The following KLRF1 variants were observed in gnomAD, a reference collection of about 807,000 sequenced individuals.
KLRF1 encodes killer cell lectin-like receptor subfamily F member 1.
KLRF1 carries 27 observed loss-of-function variants against 30.7 expected under a neutral mutation model. That is an observed-to-expected ratio of 0.88 (90% CI 0.65 to 1.21). The LOEUF (loss-of-function observed/expected upper bound fraction) is 1.21, where lower values mean the gene tolerates loss of function less well. Among genes scored for constraint, KLRF1 ranks in the 50% most tolerant of loss-of-function variants. The pLI is 0.00. For synonymous variants in KLRF1, 92 were observed against 89.3 expected (o/e 1.03, Z -0.17); for missense variants, 246 against 259.3 (o/e 0.95, Z 0.35).
chr12:9,836,940 A>G (rs191738145), intron 3 of KLRF1, among the ~76,000 whole-genome samples: 1 of 152,146 alleles, frequency 6.6e-6, no homozygotes, highest in Non-Finnish European at 1.5e-5. Context: ...TTGAGCTACA[A>G]TATATTTATT....
intron 3 of KLRF1, among the ~76,000 whole-genome samples, chr12:9,837,788 G>A (rs1849182512): frequency 6.6e-6 from 1 of 152,108 alleles, no homozygotes; most frequent in Non-Finnish European, 1.5e-5. Context: ...CAATTCAAGA[G>A]TCCATAGGTG....
chr12:9,811,994 A>G, the KLRF1 span, among the ~76,000 whole-genome samples: 129 of 152,206 alleles, frequency 8.5e-4, no homozygotes, highest in Non-Finnish European at 1.6e-3. Flanking sequence ...GCGTACAAAA[A>G]TAGTTTGTAC....
the KLRF1 span, among the ~76,000 whole-genome samples, chr12:9,804,156 G>A: frequency 6.7e-6 from 1 of 148,764 alleles, no homozygotes; most frequent in African/African-American, 2.5e-5. Context: ...TCTTATTATG[G>A]TTTTCATTTG....
intron 3 of KLRF1, among the ~76,000 whole-genome samples, chr12:9,839,870 A>T (rs1867664733): frequency 6.6e-6 from 1 of 152,144 alleles, no homozygotes; most frequent in African/African-American, 2.4e-5. Context: ...AATGGAAGAC[A>T]TATGTCCTTA....
the KLRF1 span, among the ~76,000 whole-genome samples, chr12:9,818,863 G>A: frequency 2.6e-5 from 4 of 152,206 alleles, no homozygotes; most frequent in Non-Finnish European, 5.9e-5. Context: ...GTTCTCACAG[G>A]AGAAATAGAA....
At chr12:9,834,733 T>C (rs1465791156) in intron 3 of KLRF1, among the ~76,000 whole-genome samples, 2 of 152,108 alleles carry the variant, frequency 1.3e-5, no homozygotes, top group Non-Finnish European at 2.9e-5. Flanking sequence ...CCAAGGGCGT[T>C]CAGCATAATT....
intron 3 of KLRF1, among the ~76,000 whole-genome samples, chr12:9,839,015 A>T (rs1200537971): frequency 6.6e-6 from 1 of 152,118 alleles, no homozygotes; most frequent in East Asian, 1.9e-4. Flanking sequence ...CGGGGTCTTT[A>T]GAAAGTAATT....
chr12:9,838,672 T>C (rs1867640263), intron 3 of KLRF1, among the ~76,000 whole-genome samples: 2 of 152,160 alleles, frequency 1.3e-5, no homozygotes, highest in South Asian at 4.1e-4. Flanking sequence ...TTCTATTTTT[T>C]ACCATGTTGC....
At chr12:9,841,201 T>G (rs998636541) in intron 3 of KLRF1, among the ~76,000 whole-genome samples, 8 of 152,210 alleles carry the variant, frequency 5.3e-5, no homozygotes, top group African/African-American at 1.2e-4. Flanking sequence ...CTTAGCAAAC[T>G]AATGCAGGAA....
At chr12:9,824,417 C>T (rs1168173132), upstream of KLRF1, among the ~76,000 whole-genome samples, 1 of 152,118 alleles carries the variant, frequency 6.6e-6, no homozygotes, top group African/African-American at 2.4e-5. Context: ...ATAAAACCAA[C>T]ACGCTTTCAT....
At chr12:9,815,265 C>T in the KLRF1 span, among the ~76,000 whole-genome samples, 1 of 152,218 alleles carries the variant, frequency 6.6e-6, no homozygotes, top group African/African-American at 2.4e-5. Flanking sequence ...ATACTACTTT[C>T]TAGCTTAAAT....
At chr12:9,813,892 G>A in the KLRF1 span, among the ~76,000 whole-genome samples, 1 of 152,040 alleles carries the variant, frequency 6.6e-6, no homozygotes, top group Non-Finnish European at 1.5e-5. Flanking sequence ...CCTGCACCGC[G>A]CAACAGCACT....
upstream of KLRF1, among the ~76,000 whole-genome samples, chr12:9,825,571 C>T (rs1867271249): frequency 6.6e-6 from 1 of 152,018 alleles, no homozygotes; most frequent in Non-Finnish European, 1.5e-5. Context: ...GGAAGATAAC[C>T]TAGGAATTAC....
At chr12:9,834,080 G>C (rs1041333613) in intron 3 of KLRF1, among the ~76,000 whole-genome samples, 2 of 151,874 alleles carry the variant, frequency 1.3e-5, no homozygotes, top group Non-Finnish European at 2.9e-5. Flanking sequence ...GCAGGCAGGA[G>C]TGGGGGTCAC....
chr12:9,833,348 A>G lies in KLRF1; in HGVS notation c.230A>G (p.Asn77Ser). ...AAATGCCAAAAAGGAAGTTGTTCAAATGCCACTCAGTATGAGGACACTGGA... is the reference window on the plus strand; with the variant it reads ...AAATGCCAAAAAGGAAGTTGTTCAAGTGCCACTCAGTATGAGGACACTGGA... ...LLKCQKGSCS[N>S]ATQYEDTGDL... The change falls in exon 3 of 6, where the codon AAT (asparagine) becomes AGT (serine). Residue 77 changes from asparagine to serine, a missense_variant. Transcript: ENST00000617889. 1.9e-6 allele frequency: 3 copies of G among 1,608,568 alleles called. No homozygotes were observed. Among genetic ancestry groups the G allele is most frequent in the Non-Finnish European group, 2.5e-6 (3 of 1,177,780 alleles).
upstream of KLRF1, among the ~76,000 whole-genome samples, chr12:9,823,924 C>G (rs1476217824): frequency 6.6e-6 from 1 of 151,990 alleles, no homozygotes. Context: ...CTCCCAACAC[C>G]GAACCAGGGG....
chr12:9,811,472 ATAC>A, the KLRF1 span, among the ~76,000 whole-genome samples: 1 of 152,110 alleles, frequency 6.6e-6, no homozygotes, highest in South Asian at 2.1e-4. Flanking sequence ...ATGGAAAGAG[ATAC>A]TAGAGAGGGA....
At chr12:9,820,957 T>C in the KLRF1 span, among the ~76,000 whole-genome samples, 1 of 152,186 alleles carries the variant, frequency 6.6e-6, no homozygotes, top group East Asian at 1.9e-4. Context: ...CACAGAATGG[T>C]TGCCCCATAC....
the KLRF1 span, among the ~76,000 whole-genome samples, chr12:9,818,252 G>T: frequency 6.6e-6 from 1 of 152,134 alleles, no homozygotes; most frequent in Non-Finnish European, 1.5e-5. Context: ...TTGAATCAAC[G>T]TTAAGGATGT....
Sources: gnomAD v4.1 joint callset for allele counts (sites outside exome capture counted in the v4.1 genomes callset) on GRCh38, gnomAD v4.1.1 for gene constraint, MANE v1.5 for transcripts, NCBI Gene and HGNC (gene_info 2026-07-23, HGNC 2026-07-21) for gene names.